The following DLGAP2 variants were observed in gnomAD, a reference collection of about 807,000 sequenced individuals.
The protein encoded by DLGAP2 is DLG associated protein 2, also known as disks large-associated protein 2.
Under a neutral mutation model 100.3 loss-of-function variants are expected in DLGAP2, and 26 were observed. That is an observed-to-expected ratio of 0.26 (90% CI 0.19 to 0.36). The LOEUF (loss-of-function observed/expected upper bound fraction) is 0.36. Among genes scored for constraint, DLGAP2 ranks in the 10% least tolerant of loss-of-function variants. The probability of loss-of-function intolerance (pLI) is 1.00; values close to 1 mark genes in which losing one functional copy is unlikely to be tolerated. For missense variants in DLGAP2, 1,858 were observed against 1,453.2 expected (o/e 1.28, Z -4.53); for synonymous variants, 886 against 630.1 (o/e 1.41, Z -6.08).
rs554049422 is a variant in DLGAP2, at chr8:1,435,732, T to C, written c.107-65634T>C. On this transcript the variant is annotated intron_variant, in intron 3 of 14. Coordinates refer to ENST00000637795, the MANE Select transcript of DLGAP2 (RefSeq NM_001346810.2). ...CACTGTGGTCGTAGGCGATGGCAGCTCCACGTCTGTCACCGCCACTGCCCC... is the reference window on the plus strand; with the variant it reads ...CACTGTGGTCGTAGGCGATGGCAGCCCCACGTCTGTCACCGCCACTGCCCC... Among the ~76,000 whole-genome samples the C allele has an allele frequency of 6.6e-5, 10 of 151,902 alleles. No individual in the cohort carries two copies. The South Asian group carries it at 1.7e-3, about 25-fold the overall frequency.
chr8:1,183,885 C>T (rs892691237), intron 2 of DLGAP2, among the ~76,000 whole-genome samples: 2 of 152,230 alleles, frequency 1.3e-5, no homozygotes, highest in African/African-American at 4.8e-5. Context: ...TTTAAGGTCT[C>T]TGAGCCTTTG....
intron 2 of DLGAP2, among the ~76,000 whole-genome samples, chr8:1,129,313 G>T (rs1796237459): frequency 6.6e-6 from 1 of 151,476 alleles, no homozygotes; most frequent in African/African-American, 2.4e-5. Context: ...TGAGGCAGGG[G>T]AATTGTTTGG....
At chr8:793,612 G>T (rs1306155785) in intron 1 of DLGAP2, among the ~76,000 whole-genome samples, 1 of 152,076 alleles carries the variant, frequency 6.6e-6, no homozygotes, top group African/African-American at 2.4e-5. Flanking sequence ...CCTCTTCTGA[G>T]ACTTCCTGGA....
At chr8:1,287,693 CAG>C (rs1799971001) in intron 3 of DLGAP2, among the ~76,000 whole-genome samples, 13 of 62,682 alleles carry the variant, frequency 2.1e-4, no homozygotes, top group Admixed American at 4.3e-4. Context: ...AGTTTCGGTT[CAG>C]TGTGTGTGTG....
chr8:1,093,601 A>C (rs966376199), intron 2 of DLGAP2, among the ~76,000 whole-genome samples: 15 of 147,510 alleles, frequency 1.0e-4, no homozygotes, highest in Admixed American at 7.8e-4. Context: ...ACACTGACAG[A>C]CAGAAACACC....
chr8:1,344,211 G>GAGTCCGTGTACTC (rs1801502148), intron 3 of DLGAP2, among the ~76,000 whole-genome samples: 1 of 113,162 alleles, frequency 8.8e-6, no homozygotes, highest in African/African-American at 3.1e-5. Context: ...GCCCTGTCGT[G>GAGTCCGTGTACTC]GGGCCTGTGC....
intron 3 of DLGAP2, among the ~76,000 whole-genome samples, chr8:1,418,027 CAGTGG>C (rs367695807): frequency 5.0e-4 from 76 of 152,250 alleles, no homozygotes; most frequent in African/African-American, 1.8e-3. Flanking sequence ...CCGTTCTGGA[CAGTGG>C]AAGTGGGGGA....
At chr8:1,649,599 A>G (rs1798118226) in intron 8 of DLGAP2, among the ~76,000 whole-genome samples, 1 of 152,214 alleles carries the variant, frequency 6.6e-6, no homozygotes, top group Admixed American at 6.5e-5. Context: ...ATCACTACTG[A>G]TATTTTCCAA....
chr8:938,790 G>A (rs900610885), intron 2 of DLGAP2, among the ~76,000 whole-genome samples: 2 of 152,148 alleles, frequency 1.3e-5, no homozygotes, highest in Non-Finnish European at 2.9e-5. Flanking sequence ...CAGGGGCCAC[G>A]GGAGCCAGAG....
intron 10 of DLGAP2, among the ~76,000 whole-genome samples, chr8:1,670,067 TAG>T (rs1385977861): frequency 6.6e-6 from 1 of 152,020 alleles, no homozygotes; most frequent in African/African-American, 2.4e-5. Context: ...ACGTCTGCAG[TAG>T]AGACTGGAGA....
At chr8:1,448,520 T>G (rs1276020666) in intron 3 of DLGAP2, among the ~76,000 whole-genome samples, 1 of 152,206 alleles carries the variant, frequency 6.6e-6, no homozygotes, top group African/African-American at 2.4e-5. Context: ...TGTGGTCAAT[T>G]TTGGAATAGG....
intron 3 of DLGAP2, among the ~76,000 whole-genome samples, chr8:1,287,450 G>A (rs1799952422): frequency 8.0e-6 from 1 of 125,676 alleles, no homozygotes; most frequent in Admixed American, 8.3e-5. Flanking sequence ...GTTGTTAGGA[G>A]GGGAACTAGT....
chr8:971,885 A>G (rs1800023641), intron 2 of DLGAP2, among the ~76,000 whole-genome samples: 1 of 152,090 alleles, frequency 6.6e-6, no homozygotes, highest in Non-Finnish European at 1.5e-5. Flanking sequence ...AGCACTTGTG[A>G]TGGTTGCAGC....
At chr8:1,318,778 G>GCCCCCCCCCCCCCCCCCCCCCC (rs34614425) in intron 3 of DLGAP2, among the ~76,000 whole-genome samples, 4 of 105,570 alleles carry the variant, frequency 3.8e-5, no homozygotes, top group Non-Finnish European at 5.5e-5. Context: ...TCAGTGATCA[G>GCCCCCCCCCCCCCCCCCCCCCC]CCCCCCCCCC....
At chr8:802,321 G>T (rs1202259857) in intron 1 of DLGAP2, among the ~76,000 whole-genome samples, 3 of 152,260 alleles carry the variant, frequency 2.0e-5, no homozygotes, top group Admixed American at 1.3e-4. Flanking sequence ...CACGGCCTGG[G>T]GAATAGTCCG....
At chr8:1,215,036 A>G (rs939198229) in intron 2 of DLGAP2, among the ~76,000 whole-genome samples, 3 of 152,204 alleles carry the variant, frequency 2.0e-5, no homozygotes, top group Non-Finnish European at 2.9e-5. Context: ...TCTCATGGAA[A>G]TAGTATAAGA....
At chr8:1,685,721 AG>A (rs1799097602) in intron 12 of DLGAP2, among the ~76,000 whole-genome samples, 1 of 151,832 alleles carries the variant, frequency 6.6e-6, no homozygotes, top group Non-Finnish European at 1.5e-5. Flanking sequence ...ATATACAAGG[AG>A]CTCAAATAAC....
intron 2 of DLGAP2, among the ~76,000 whole-genome samples, chr8:1,169,498 T>C (rs904304157): frequency 6.6e-6 from 1 of 152,200 alleles, no homozygotes; most frequent in East Asian, 1.9e-4. Context: ...ATGATATTGA[T>C]TCTTCCTATC....
At chr8:898,993 GAAGGTGTTTAACAAGCCCCCCA>G (rs895927320) in intron 1 of DLGAP2, among the ~76,000 whole-genome samples, 1 of 152,240 alleles carries the variant, frequency 6.6e-6, no homozygotes, top group Non-Finnish European at 1.5e-5. Context: ...GGGTCCAGCA[GAAGGTGTTTAACAAGCCCCCCA>G]GGCGGTTCTG....
Sources: allele counts gnomAD v4.1 joint callset (sites outside exome capture counted in the v4.1 genomes callset), GRCh38; gene constraint gnomAD v4.1.1; transcripts MANE v1.5; gene names NCBI Gene and HGNC (gene_info 2026-07-23, HGNC 2026-07-21).